The following FAM135B variants were observed in gnomAD, a reference collection of about 807,000 sequenced individuals.
The protein encoded by FAM135B is family with sequence similarity 135 member B.
FAM135B carries 43 observed loss-of-function variants against 127.7 expected under a neutral mutation model. The observed-to-expected ratio is 0.34, with a 90% CI of 0.26 to 0.43. The LOEUF (loss-of-function observed/expected upper bound fraction) is 0.43. Among genes scored for constraint, FAM135B ranks in the 20% least tolerant of loss-of-function variants. The pLI is 1.00. For synonymous variants in FAM135B, 670 were observed against 665.1 expected (o/e 1.01, Z -0.11); for missense variants, 1,558 against 1,725.6 (o/e 0.90, Z 1.72).
intron 3 of FAM135B, among the ~76,000 whole-genome samples, chr8:138,270,616 C>T (rs931378045): frequency 6.6e-6 from 1 of 152,232 alleles, no homozygotes; most frequent in African/African-American, 2.4e-5. Context: ...AGTCCAATAT[C>T]AGGGTGCTTG....
chr8:138,244,921 C>T (rs1821160641), intron 6 of FAM135B, among the ~76,000 whole-genome samples: 1 of 152,152 alleles, frequency 6.6e-6, no homozygotes, highest in African/African-American at 2.4e-5. Context: ...GTTAATTTCA[C>T]ACCTATTTCA....
intron 1 of FAM135B, among the ~76,000 whole-genome samples, chr8:138,476,924 G>A (rs1814494193): frequency 6.6e-6 from 1 of 152,168 alleles, no homozygotes; most frequent in Non-Finnish European, 1.5e-5. Flanking sequence ...CTTACTTTGG[G>A]TTTTCCCGAT....
chr8:138,409,166 C>T (rs1463212387), intron 1 of FAM135B, among the ~76,000 whole-genome samples: 1 of 152,098 alleles, frequency 6.6e-6, no homozygotes, highest in Non-Finnish European at 1.5e-5. Context: ...CTTCCTTTCA[C>T]TTGTCCACTT....
At chr8:138,212,360 C>T (rs1043891443) in intron 7 of FAM135B, among the ~76,000 whole-genome samples, 2 of 152,084 alleles carry the variant, frequency 1.3e-5, no homozygotes, top group Non-Finnish European at 2.9e-5. Context: ...CACTGGCAAC[C>T]GTACTATACA....
intron 1 of FAM135B, among the ~76,000 whole-genome samples, chr8:138,386,135 G>C (rs1832196490): frequency 6.6e-6 from 1 of 151,610 alleles, no homozygotes; most frequent in Admixed American, 6.6e-5. Context: ...AGAATCACTT[G>C]AACCTGGAAG....
At chr8:138,218,453 C>G (rs914040510) in intron 7 of FAM135B, among the ~76,000 whole-genome samples, 1 of 152,216 alleles carries the variant, frequency 6.6e-6, no homozygotes, top group South Asian at 2.1e-4. Flanking sequence ...GTGAAGAGTT[C>G]AGAATTATAG....
intron 3 of FAM135B, among the ~76,000 whole-genome samples, chr8:138,298,818 A>G (rs1408598774): frequency 6.6e-6 from 1 of 152,162 alleles, no homozygotes; most frequent in South Asian, 2.1e-4. Flanking sequence ...GGACAGGGGT[A>G]TCAGGACCTC....
chr8:138,358,799 C>A lies in FAM135B; in HGVS notation c.77+9108G>T, dbSNP rs146140231. Reference sequence around the variant, plus strand: ...TTTTACAGCACAAAACTAGAAAGGACCACACTTCCCAGTGGCATTCTGCTC... The same window carrying A: ...TTTTACAGCACAAAACTAGAAAGGAACACACTTCCCAGTGGCATTCTGCTC... On this transcript the variant is annotated intron_variant, in intron 2 of 19. Coordinates refer to ENST00000395297, the MANE Select transcript of FAM135B (RefSeq NM_015912.4). 2.3e-3 allele frequency among the ~76,000 whole-genome samples: 352 copies of A among 152,222 alleles called. 2 individuals are homozygous for A. Among genetic ancestry groups the A allele is most frequent in the South Asian group, 4.8e-3 (23 of 4,816 alleles).
At chr8:138,432,900 G>A (rs1033240201) in intron 1 of FAM135B, among the ~76,000 whole-genome samples, 3 of 152,060 alleles carry the variant, frequency 2.0e-5, no homozygotes, top group Admixed American at 6.5e-5. Flanking sequence ...CTTAATGTTT[G>A]TAAAACAGTC....
At chr8:138,233,158 C>G (rs1242721655) in intron 7 of FAM135B, among the ~76,000 whole-genome samples, 1 of 152,292 alleles carries the variant, frequency 6.6e-6, no homozygotes, top group South Asian at 2.1e-4. Flanking sequence ...GCAGGCATCA[C>G]ACTTCCTGAT....
intron 19 of FAM135B, among the ~76,000 whole-genome samples, chr8:138,135,877 T>C (rs1816615916): frequency 6.6e-6 from 1 of 152,086 alleles, no homozygotes; most frequent in Non-Finnish European, 1.5e-5. Context: ...CATGGACAAA[T>C]AACTATATTA....
chr8:138,236,187 T>C (rs1403199103), intron 7 of FAM135B, among the ~76,000 whole-genome samples: 1 of 152,118 alleles, frequency 6.6e-6, no homozygotes, highest in Admixed American at 6.5e-5. Context: ...GTGCCAGGCA[T>C]ACATAGGTAA....
Position 138,309,892 on chromosome 8 carries a change from C to T in FAM135B, c.157+949G>A, listed in dbSNP as rs555357565. Among the ~76,000 whole-genome samples the T allele has an allele frequency of 2.2e-4, 27 of 124,058 alleles. No individual in the cohort carries two copies. The East Asian group carries it at 5.1e-3, about 24-fold the overall frequency. 81.4% of individuals were successfully genotyped at this position (124,058 alleles called of 152,430 possible). On this transcript the variant is annotated intron_variant, in intron 3 of 19. Coordinates refer to ENST00000395297, the MANE Select transcript of FAM135B (RefSeq NM_015912.4). The stretch of plus-strand genomic sequence containing the variant: ...TTTTTTTTTTTTTTTTGGAGCTCCA[C>T]TCTGTCACCCAGGCTGGAGTGGAGT...
At chr8:138,332,101 T>G (rs1312862160) in intron 2 of FAM135B, among the ~76,000 whole-genome samples, 1 of 152,218 alleles carries the variant, frequency 6.6e-6, no homozygotes, top group East Asian at 1.9e-4. Flanking sequence ...CTGGATCATC[T>G]GGCTCTGAGT....
intron 11 of FAM135B, among the ~76,000 whole-genome samples, chr8:138,172,170 G>GTGGAGT (rs1248586811): frequency 3.3e-5 from 5 of 152,352 alleles, no homozygotes; most frequent in East Asian, 3.9e-4. Flanking sequence ...CAGGGAGAAT[G>GTGGAGT]TGGAGTTGGA....
At chr8:138,326,172 T>C (rs373157097) in intron 2 of FAM135B, among the ~76,000 whole-genome samples, 1 of 152,170 alleles carries the variant, frequency 6.6e-6, no homozygotes, top group African/African-American at 2.4e-5. Context: ...GTTGTTCCTA[T>C]CTAATGAGTC....
At chr8:138,246,334 G>T (rs1226833224) in intron 6 of FAM135B, among the ~76,000 whole-genome samples, 2 of 152,188 alleles carry the variant, frequency 1.3e-5, no homozygotes, top group South Asian at 4.1e-4. Context: ...CAGAGGCCCA[G>T]GAAGAAAGAA....
rs1818274578 is a variant in FAM135B at position 138,152,609 on chromosome 8, T to C, written c.1866A>G (p.Ile622Met). 6.2e-7 allele frequency: 1 copy of C among 1,614,200 alleles called. No individual in the cohort carries two copies. The highest frequency in any genetic ancestry group is 2.2e-5 in the East Asian group (1 of 44,866). Residue 622 changes from isoleucine (I) to methionine (M), a missense_variant, in exon 13 of 20, where the codon ATA (isoleucine) becomes ATG (methionine). Ile to Met is a conservative substitution (Grantham distance 10). Around this residue, in one of 5 missense-constraint regions of FAM135B, gnomAD observed 923 missense variants for 865.3 expected, o/e 1.07. Transcript: ENST00000395297. ...LHELSTLGKGIDQEGKMVLLS... is the reference protein window; with the variant it reads ...LHELSTLGKGMDQEGKMVLLS... ...GCAGCACCATCTTCCCCTCTTGATC[T>C]ATTCCCTTTCCTAGAGTACTTAATT... is the stretch of plus-strand genomic sequence containing the variant.
chr8:138,483,259 T>G (rs957322), intron 1 of FAM135B, among the ~76,000 whole-genome samples: 4,324 of 152,328 alleles, frequency 0.028, 96 homozygotes, highest in Non-Finnish European at 0.045. Context: ...ATTTTATTTT[T>G]TATCCCAACT....
Sources: allele counts gnomAD v4.1 joint callset (sites outside exome capture counted in the v4.1 genomes callset), GRCh38; gene constraint gnomAD v4.1.1; regional missense constraint gnomAD v4.1.1; transcripts MANE v1.5; gene names NCBI Gene and HGNC (gene_info 2026-07-23, HGNC 2026-07-21).